Variants in CLEC2A observed in about 807,000 individuals in gnomAD.
CLEC2A encodes the protein C-type lectin domain family 2 member A.
CLEC2A carries 19 observed loss-of-function variants against 18.6 expected under a neutral mutation model. The ratio of observed to expected loss-of-function variants is 1.02; its 90% confidence interval spans 0.71 to 1.50. The LOEUF (loss-of-function observed/expected upper bound fraction) is 1.50, where lower values mean the gene tolerates loss of function less well. Ranked by LOEUF, CLEC2A falls within the 40% of genes most tolerant of loss-of-function variation. The pLI, the probability that CLEC2A is intolerant of heterozygous loss-of-function variation, is 0.00. For synonymous variants in CLEC2A, 74 were observed against 64.0 expected (o/e 1.16, Z -0.75); for missense variants, 190 against 207.9 (o/e 0.91, Z 0.53).
intron 4 of CLEC2A, among the ~76,000 whole-genome samples, chr12:9,914,850 T>G (rs1863044387): frequency 6.6e-6 from 1 of 151,972 alleles, no homozygotes. Flanking sequence ...AAGCCAAAAC[T>G]GACATATGGG....
At chr12:9,906,735 C>T (rs2137022427) in intron 4 of CLEC2A, among the ~76,000 whole-genome samples, 1 of 152,264 alleles carries the variant, frequency 6.6e-6, no homozygotes, top group Admixed American at 6.5e-5. Context: ...TGTCTTTTTC[C>T]CTCAATTACC....
chr12:9,878,444 G>A, the CLEC2A span, among the ~76,000 whole-genome samples: 2 of 152,116 alleles, frequency 1.3e-5, no homozygotes, highest in South Asian at 4.1e-4. Flanking sequence ...CAAGATGATG[G>A]CTTTTAAAAT....
At chr12:9,907,868 G>A (rs1243269068) in intron 4 of CLEC2A, among the ~76,000 whole-genome samples, 3 of 152,148 alleles carry the variant, frequency 2.0e-5, no homozygotes, top group African/African-American at 7.2e-5. Context: ...AGGCCCAAAA[G>A]GTATCTTTTA....
At chr12:9,919,962 A>G (rs1296866315) in intron 3 of CLEC2A, among the ~76,000 whole-genome samples, 1 of 152,186 alleles carries the variant, frequency 6.6e-6, no homozygotes, top group Non-Finnish European at 1.5e-5. Flanking sequence ...ACTTTTTTGT[A>G]GAGCAGCTGT....
the CLEC2A span, among the ~76,000 whole-genome samples, chr12:9,883,463 C>T: frequency 6.6e-6 from 1 of 152,146 alleles, no homozygotes; most frequent in African/African-American, 2.4e-5. Context: ...TAAATCATGG[C>T]TTACATGAAA....
chr12:9,931,280 A>G (rs1412559698), intron 1 of CLEC2A, among the ~76,000 whole-genome samples: 1 of 152,208 alleles, frequency 6.6e-6, no homozygotes, highest in Non-Finnish European at 1.5e-5. Flanking sequence ...CCAATTGTGT[A>G]AAATGTAGAC....
intron 2 of CLEC2A, among the ~76,000 whole-genome samples, 152 bp from the exon 3 acceptor site, chr12:9,922,384 C>T (rs1863188957): frequency 6.6e-6 from 1 of 152,184 alleles, no homozygotes. Context: ...TTAACTTCCC[C>T]TGTCTGTAAG....
At chr12:9,904,109 C>A (rs1862872931) in intron 4 of CLEC2A, among the ~76,000 whole-genome samples, 1 of 152,170 alleles carries the variant, frequency 6.6e-6, no homozygotes, top group Admixed American at 6.5e-5. Flanking sequence ...AAGCTCACTG[C>A]ATCCCTTTAG....
At position 9,932,346 on chromosome 12, in the gene CLEC2A, A is replaced by T. The variant is rs984856179; in HGVS notation, c.-17T>A. The T allele has an allele frequency of 6.4e-7, 1 of 1,551,588 alleles. No individual in the cohort carries two copies. Among genetic ancestry groups the T allele is most frequent in the Non-Finnish European group, 8.7e-7 (1 of 1,146,856 alleles). ...ATTAATCATGGCAAGGCGCTAACCG[A>T]TGGAGATCAGTAGGAGAGGACTAGA... On this transcript the variant is annotated 5_prime_UTR_variant, in exon 1 of 5. Coordinates refer to ENST00000455827, the MANE Select transcript of CLEC2A (RefSeq NM_001130711.2).
At chr12:9,927,311 A>G (rs1863290639) in intron 1 of CLEC2A, among the ~76,000 whole-genome samples, 1 of 152,232 alleles carries the variant, frequency 6.6e-6, no homozygotes, top group South Asian at 2.1e-4. Context: ...CAGTGAAAAT[A>G]CCATATAAAA....
chr12:9,890,026 C>G, the CLEC2A span, among the ~76,000 whole-genome samples: 1 of 151,938 alleles, frequency 6.6e-6, no homozygotes, highest in Non-Finnish European at 1.5e-5. Flanking sequence ...ACCTTTAAAA[C>G]AGCACCAATA....
At chr12:9,887,715 G>A in the CLEC2A span, among the ~76,000 whole-genome samples, 1 of 150,470 alleles carries the variant, frequency 6.6e-6, no homozygotes, top group East Asian at 1.9e-4. Context: ...TGATGATATG[G>A]TCAAAAGAGT....
intron 4 of CLEC2A, among the ~76,000 whole-genome samples, chr12:9,915,012 G>GA (rs563682899): frequency 6.7e-6 from 1 of 150,294 alleles, no homozygotes; most frequent in African/African-American, 2.4e-5. Flanking sequence ...AAATTTATAA[G>GA]AAAAAAAACA....
the CLEC2A span, among the ~76,000 whole-genome samples, chr12:9,889,646 A>ATG: frequency 7.9e-3 from 1,115 of 140,686 alleles, 14 homozygotes; most frequent in East Asian, 0.063. Context: ...GTGTATATAT[A>ATG]TGTGTGTGTG....
chr12:9,878,885 T>C, the CLEC2A span, among the ~76,000 whole-genome samples: 1 of 152,082 alleles, frequency 6.6e-6, no homozygotes, highest in African/African-American at 2.4e-5. Flanking sequence ...TGTGAACCGA[T>C]TTTTTAGGAG....
intron 3 of CLEC2A, among the ~76,000 whole-genome samples, chr12:9,917,664 C>T (rs1486428261): frequency 2.0e-5 from 3 of 152,034 alleles, no homozygotes; most frequent in Non-Finnish European, 4.4e-5. Context: ...CTGGTTTTAG[C>T]TCTTTGAGGA....
At chr12:9,881,603 A>G in the CLEC2A span, 1 of 1,533,494 alleles carries the variant, frequency 6.5e-7, no homozygotes, top group Non-Finnish European at 8.7e-7. Flanking sequence ...GAGATGGAGA[A>G]TGAAGATGGG....
intron 4 of CLEC2A, among the ~76,000 whole-genome samples, chr12:9,916,455 T>C (rs1341094209): frequency 2.0e-5 from 3 of 151,998 alleles, no homozygotes; most frequent in African/African-American, 4.8e-5. Context: ...ATAATAAAGA[T>C]AAAATAACAA....
intron 4 of CLEC2A, among the ~76,000 whole-genome samples, chr12:9,900,052 C>T (rs2137012129): frequency 6.6e-6 from 1 of 152,264 alleles, no homozygotes; most frequent in African/African-American, 2.4e-5. Context: ...TTGTGACATA[C>T]CCAGCTAACT....
Sources: allele counts gnomAD v4.1 joint callset (sites outside exome capture counted in the v4.1 genomes callset), GRCh38; gene constraint gnomAD v4.1.1; transcripts MANE v1.5; gene names NCBI Gene and HGNC (gene_info 2026-07-23, HGNC 2026-07-21).